Variants in PTPRN2 observed in about 807,000 individuals in gnomAD.
PTPRN2 encodes the protein protein tyrosine phosphatase receptor type N2.
In PTPRN2, 74 loss-of-function variants were observed where a neutral mutation model predicts 118.8. The ratio of observed to expected loss-of-function variants is 0.62; its 90% CI spans 0.52 to 0.76. PTPRN2 has a LOEUF of 0.76. Among genes scored for constraint, PTPRN2 ranks in the 30% least tolerant of loss-of-function variants. PTPRN2 has a pLI of 0.00. For missense variants in PTPRN2, 1,481 were observed against 1,394.4 expected (o/e 1.06, Z -0.99); for synonymous variants, 641 against 608.0 (o/e 1.05, Z -0.80).
chr7:157,896,575 G>A lies in PTPRN2; in HGVS notation c.1788+2098C>T, dbSNP rs10229745. On this transcript the variant is annotated intron_variant, in intron 12 of 22. Transcript: ENST00000389418. ...TGCTGTCCCCCATGCTCACGTGTGC[G>A]TGGGAAGGAGCTCCGTTGTGAGTGG... Among the ~76,000 whole-genome samples the A allele has an allele frequency of 2.3e-3, 353 of 151,668 alleles. 2 individuals carry two copies. The highest frequency in any genetic ancestry group is 8.1e-3 in the African/African-American group (331 of 41,116).
intron 2 of PTPRN2, among the ~76,000 whole-genome samples, chr7:158,397,976 G>C (rs1419085226): frequency 1.3e-5 from 2 of 152,158 alleles, no homozygotes; most frequent in Admixed American, 1.3e-4. Flanking sequence ...CGGCCACTGA[G>C]GGTGGAACCA....
At chr7:157,875,927 G>A (rs1384014579) in intron 12 of PTPRN2, among the ~76,000 whole-genome samples, 2 of 149,534 alleles carry the variant, frequency 1.3e-5, no homozygotes, top group Non-Finnish European at 3.0e-5. Flanking sequence ...GCACCGGGCT[G>A]CAGAGGGTCA....
intron 17 of PTPRN2, among the ~76,000 whole-genome samples, chr7:157,594,294 C>G (rs1399230515): frequency 6.6e-6 from 1 of 152,214 alleles, no homozygotes; most frequent in Non-Finnish European, 1.5e-5. Context: ...GAGCCTGGGG[C>G]AGAAGTGAAT....
At chr7:157,898,762 A>G in intron 11 of PTPRN2, 25 bp from the exon 12 acceptor site, 5 of 1,570,430 alleles carry the variant, frequency 3.2e-6, no homozygotes, top group Non-Finnish European at 4.4e-6. Flanking sequence ...CAGAAAGCAC[A>G]AGAGTCAGGT....
At position 158,406,249 on chromosome 7, in the gene PTPRN2, GC is replaced by G. The variant is rs1813420595; in HGVS notation, c.163+83485del. Among the ~76,000 whole-genome samples the G allele has an allele frequency of 3.2e-4, 44 of 138,666 alleles. No homozygotes were observed. In the Admixed American group the frequency reaches 3.2e-3, roughly 10 times the overall value. The allele number at this position is 138,666 out of a possible 152,430, so 91.0% of individuals were successfully genotyped here. A position where few individuals can be genotyped will look rare whatever the true frequency, so the allele number is the denominator to read the frequency against. On this transcript the variant is annotated intron_variant, in intron 2 of 22. Transcript: ENST00000389418. ...TTGGCTGCACACTGAGATCCCGGTG[GC>G]TCATCCGTGAGACATTTGGCTGCAC...
At chr7:157,793,071 T>C (rs1209883819) in intron 12 of PTPRN2, among the ~76,000 whole-genome samples, 1 of 152,102 alleles carries the variant, frequency 6.6e-6, no homozygotes, top group East Asian at 1.9e-4. Flanking sequence ...GGGACCCCTC[T>C]ACAATGCGCT....
intron 1 of PTPRN2, among the ~76,000 whole-genome samples, chr7:158,586,677 C>T (rs1021061122): frequency 3.3e-5 from 5 of 152,208 alleles, no homozygotes; most frequent in Non-Finnish European, 7.3e-5. Context: ...CCCTCGCTGC[C>T]GTGAAGCTGC....
At chr7:157,842,449 C>CT (rs1808498646) in intron 12 of PTPRN2, among the ~76,000 whole-genome samples, 1 of 131,306 alleles carries the variant, frequency 7.6e-6, no homozygotes, top group Non-Finnish European at 1.5e-5. Context: ...GTGTCTCGCT[C>CT]TGTCACCCAG....
chr7:157,979,206 A>G (rs1014301694), intron 11 of PTPRN2, among the ~76,000 whole-genome samples: 2 of 152,068 alleles, frequency 1.3e-5, no homozygotes, highest in Admixed American at 1.3e-4. Context: ...TGCTGAATGG[A>G]TAGAAAAAAA....
At position 158,208,959 on chromosome 7, in the gene PTPRN2, A is replaced by T. The variant is rs73176105; in HGVS notation, c.278-3686T>A. 4.0e-3 allele frequency among the ~76,000 whole-genome samples: 608 copies of T among 152,328 alleles called. 1 individual carries two copies. The highest frequency in any genetic ancestry group is 6.4e-3 in the Admixed American group (98 of 15,298). ...TGCTGGTTTGTTAGTTTGCTTATGTAATCAATGTTAAGTTGTCATCCGTTT... is the reference window on the plus strand; with the variant it reads ...TGCTGGTTTGTTAGTTTGCTTATGTTATCAATGTTAAGTTGTCATCCGTTT... On this transcript the variant is annotated intron_variant, in intron 3 of 22. Coordinates refer to ENST00000389418, the MANE Select transcript of PTPRN2 (RefSeq NM_002847.5).
chr7:157,981,817 A>G (rs997093825), intron 11 of PTPRN2, among the ~76,000 whole-genome samples: 1 of 152,288 alleles, frequency 6.6e-6, no homozygotes, highest in African/African-American at 2.4e-5. Flanking sequence ...CCAGTTCCCT[A>G]TCATATCAGC....
At chr7:157,833,716 G>A (rs1807742145) in intron 12 of PTPRN2, among the ~76,000 whole-genome samples, 1 of 152,250 alleles carries the variant, frequency 6.6e-6, no homozygotes, top group Non-Finnish European at 1.5e-5. Flanking sequence ...TGGAGATGCA[G>A]CCGTTAGTAT....
chr7:157,631,820 A>G (rs1213760036), intron 14 of PTPRN2, among the ~76,000 whole-genome samples: 3 of 149,886 alleles, frequency 2.0e-5, no homozygotes, highest in Non-Finnish European at 2.9e-5. Flanking sequence ...CGACAGAGCG[A>G]GACTCCGTCT....
At chr7:158,488,368 A>G (rs1365165059) in intron 2 of PTPRN2, among the ~76,000 whole-genome samples, 1 of 152,090 alleles carries the variant, frequency 6.6e-6, no homozygotes, top group African/African-American at 2.4e-5. Context: ...GAATCTCCCG[A>G]AAGAAGAGAA....
intron 1 of PTPRN2, among the ~76,000 whole-genome samples, chr7:158,582,569 T>C (rs937261115): frequency 6.6e-6 from 1 of 151,232 alleles, no homozygotes; most frequent in Non-Finnish European, 1.5e-5. Flanking sequence ...AAAAAAAAAA[T>C]TCATTTTTAA....
rs370010837 is a variant in PTPRN2, at chr7:158,545,571, C to T, written c.112+41987G>A. Among the ~76,000 whole-genome samples, 25 of 152,272 alleles carry T rather than the reference C, an allele frequency of 1.6e-4. 1 individual carries two copies. The South Asian group carries it at 3.7e-3, about 23-fold the overall frequency. On this transcript the variant is annotated intron_variant, in intron 1 of 22. Transcript: ENST00000389418. ...ATCGTTGGTGGGGCTGTTCACACCC[C>T]GCTCCGTGTGGCTGATGAGGAGCTG...
chr7:157,566,547 C>T (rs772643881), intron 21 of PTPRN2, among the ~76,000 whole-genome samples: 1 of 152,208 alleles, frequency 6.6e-6, no homozygotes, highest in African/African-American at 2.4e-5. Flanking sequence ...ACCGCACACA[C>T]CCCAGGGAAA....
intron 2 of PTPRN2, among the ~76,000 whole-genome samples, chr7:158,326,615 C>T (rs1453304946): frequency 6.6e-6 from 1 of 151,782 alleles, no homozygotes; most frequent in Non-Finnish European, 1.5e-5. Context: ...CGTTCTCACA[C>T]ACATGCACAT....
At chr7:158,386,014 A>C (rs1415416988) in intron 2 of PTPRN2, among the ~76,000 whole-genome samples, 3 of 77,556 alleles carry the variant, frequency 3.9e-5, no homozygotes, top group African/African-American at 5.1e-5. Flanking sequence ...CCCGTGCCCC[A>C]AGTCCCTCCT....
Sources: gnomAD v4.1 joint callset for allele counts (sites outside exome capture counted in the v4.1 genomes callset) on GRCh38, gnomAD v4.1.1 for gene constraint, MANE v1.5 for transcripts, NCBI Gene and HGNC (gene_info 2026-07-23, HGNC 2026-07-21) for gene names.